Variants in ARHGAP23 observed in about 807,000 individuals in gnomAD.
ARHGAP23 encodes the protein rho GTPase-activating protein 23.
A neutral mutation model predicts 136.3 loss-of-function variants in ARHGAP23; 34 were observed. The observed-to-expected ratio is 0.25, with a 90% CI of 0.19 to 0.33. The LOEUF (loss-of-function observed/expected upper bound fraction) is 0.33. Ranked by LOEUF, ARHGAP23 falls within the 10% of genes least tolerant of loss-of-function variation. The pLI is 1.00. For synonymous variants in ARHGAP23, 832 were observed against 920.5 expected (o/e 0.90, Z 1.74); for missense variants, 1,808 against 2,139.0 (o/e 0.85, Z 3.05).
intron 22 of ARHGAP23, among the ~76,000 whole-genome samples, chr17:38,499,304 C>A (rs2040468715): frequency 6.6e-6 from 1 of 152,354 alleles, no homozygotes; most frequent in Admixed American, 6.5e-5. Context: ...TGGAGACCAG[C>A]GATGCCACGC....
chr17:38,463,246 C>G, intron 5 of ARHGAP23, 50 bp downstream of exon 5: 4 of 1,549,942 alleles, frequency 2.6e-6, no homozygotes, highest in South Asian at 1.2e-5. Context: ...CCCCTTTGCC[C>G]TGGGGATGCC....
chr17:38,459,729 A>C (rs569952220), intron 2 of ARHGAP23, among the ~76,000 whole-genome samples: 1 of 152,156 alleles, frequency 6.6e-6, no homozygotes, highest in Non-Finnish European at 1.5e-5. Flanking sequence ...AGGCAGGAGG[A>C]GGCTGTGTTC....
intron 23 of ARHGAP23, among the ~76,000 whole-genome samples, chr17:38,505,874 G>C (rs1427748633): frequency 6.6e-6 from 1 of 152,226 alleles, no homozygotes; most frequent in African/African-American, 2.4e-5. Context: ...GTTGCAGTGA[G>C]CCAAGATTGC....
In ARHGAP23 at chr17:38,510,403, C is replaced by A; in HGVS notation, c.3907C>A (p.Arg1303Ser). 8.1e-7 allele frequency: 1 copy of A among 1,239,506 alleles called. No homozygotes were observed. Among genetic ancestry groups the A allele is most frequent in the Non-Finnish European group, 1.0e-6 (1 of 992,912 alleles). The allele number at this position is 1,239,506 out of a possible 1,614,324, so 76.8% of individuals were successfully genotyped here. A position where few individuals can be genotyped will look rare whatever the true frequency, so the allele number is the denominator to read the frequency against. ...AGAGPGGRLT[R>S]RPSFSSHHLM... ...CGCGGGGCCTGGGGGGCGCCTGACA[C>A]GCCGGCCGTCCTTCAGCTCGCACCA... Residue 1303 changes from arginine to serine, a missense_variant, in exon 24 of 24, where the codon CGC (arginine) becomes AGC (serine). Physicochemically the swap from Arg to Ser is moderately radical, Grantham distance 110. Around this residue, in one of 7 missense-constraint regions of ARHGAP23, gnomAD observed 506 missense variants for 455.8 expected, o/e 1.11. Transcript: ENST00000622683. This position sits in a 1 kb window ranked among gnomAD's most constrained non-coding sequence, Gnocchi z 4.6.
intron 9 of ARHGAP23, 66 bp from the exon 10 acceptor site, chr17:38,469,781 G>A (rs1434994812): frequency 5.2e-6 from 8 of 1,536,418 alleles, no homozygotes; most frequent in South Asian, 1.2e-5. Flanking sequence ...GGGTTTGGTG[G>A]GTGACGAGAT....
intron 1 of ARHGAP23, among the ~76,000 whole-genome samples, chr17:38,437,945 A>G (rs2038836929): frequency 1.3e-5 from 2 of 152,262 alleles, no homozygotes; most frequent in South Asian, 2.1e-4. Flanking sequence ...AACATGGCTG[A>G]GCCCCTGCCT....
chr17:38,478,439 G>T lies in ARHGAP23; in HGVS notation c.2436+543G>T, dbSNP rs575293507. ...ATAATTTTTTTTTTTTTTTGAGGCA[G>T]AGTCTCGCTCTGTTGCCCAGGCTGG... is the stretch of plus-strand genomic sequence containing the variant. On this transcript the variant is annotated intron_variant, in intron 12 of 23. Transcript: ENST00000622683. Among the ~76,000 whole-genome samples the T allele has an allele frequency of 2.7e-5, 4 of 147,534 alleles. No homozygotes were observed. The East Asian group carries it at 8.1e-4, about 30-fold the overall frequency.
chr17:38,473,979 G>A (rs967583296), intron 11 of ARHGAP23, among the ~76,000 whole-genome samples: 1 of 152,100 alleles, frequency 6.6e-6, no homozygotes, highest in African/African-American at 2.4e-5. Flanking sequence ...GGAGTACAGT[G>A]GTACGATCTC....
At chr17:38,422,318 C>A (rs1401546860) in intron 1 of ARHGAP23, among the ~76,000 whole-genome samples, 1 of 152,112 alleles carries the variant, frequency 6.6e-6, no homozygotes, top group Non-Finnish European at 1.5e-5. Context: ...AGTGGGTGCT[C>A]AACGTATTTT....
chr17:38,471,114 G>T (rs1051062120), intron 10 of ARHGAP23, among the ~76,000 whole-genome samples: 2 of 151,790 alleles, frequency 1.3e-5, no homozygotes, highest in Non-Finnish European at 2.9e-5. Flanking sequence ...CACCACACCT[G>T]GCTAATTTTT....
intron 1 of ARHGAP23, among the ~76,000 whole-genome samples, chr17:38,442,110 G>A (rs1056174657): frequency 5.9e-5 from 9 of 152,196 alleles, no homozygotes; most frequent in Admixed American, 2.6e-4. Flanking sequence ...CGTGCCCCAC[G>A]GCACCTGGCT....
At chr17:38,459,757 CCACCTGGCAGCCTG>C (rs2039415486) in intron 2 of ARHGAP23, among the ~76,000 whole-genome samples, 1 of 152,228 alleles carries the variant, frequency 6.6e-6, no homozygotes, top group Non-Finnish European at 1.5e-5. Context: ...CTTCATGCTG[CCACCTGGCAGCCTG>C]CAGGGAGCTC....
At position 38,511,269 on chromosome 17, in the gene ARHGAP23, T is replaced by C. The variant is rs1346821272; in HGVS notation, c.*297T>C. ...CGCCCGATAGGTCCTTCTGAGCCTT[T>C]CTGTGGCTGCACTTGGGGACCCTTG... is the stretch of plus-strand genomic sequence containing the variant. On this transcript the variant is annotated 3_prime_UTR_variant, in exon 24 of 24. Coordinates refer to ENST00000622683, the MANE Select transcript of ARHGAP23 (RefSeq NM_001199417.2). 1.4e-5 allele frequency: 5 copies of C among 359,514 alleles called. No homozygotes were observed. Among genetic ancestry groups the C allele is most frequent in the East Asian group, 8.7e-5 (2 of 23,084 alleles). 22.3% of individuals were successfully genotyped at this position (359,514 alleles called of 1,614,324 possible). A position where few individuals can be genotyped will look rare whatever the true frequency, so the allele number is the denominator to read the frequency against.
intron 1 of ARHGAP23, among the ~76,000 whole-genome samples, chr17:38,431,335 G>A (rs1338171882): frequency 6.6e-6 from 1 of 152,176 alleles, no homozygotes; most frequent in Non-Finnish European, 1.5e-5. Context: ...CCTTCCAAAG[G>A]GGCATGAAGC....
chr17:38,471,640 A>T (rs1489267372), intron 10 of ARHGAP23, among the ~76,000 whole-genome samples: 1 of 152,236 alleles, frequency 6.6e-6, no homozygotes, highest in Non-Finnish European at 1.5e-5. Context: ...GTCTGCTGAC[A>T]GGTCGTAGCC....
Position 38,486,277 on chromosome 17 carries a change from G to T in ARHGAP23, c.2986+137G>T, listed in dbSNP as rs2040158202. 3.7e-6 allele frequency: 3 copies of T among 821,538 alleles called. No homozygotes were observed. In the Admixed American group the frequency reaches 7.4e-5, roughly 20 times the overall value. 50.9% of individuals were successfully genotyped at this position (821,538 alleles called of 1,614,324 possible). A position where few individuals can be genotyped will look rare whatever the true frequency, so the allele number is the denominator to read the frequency against. On this transcript the variant is annotated intron_variant, in intron 17 of 23. Coordinates refer to ENST00000622683, the MANE Select transcript of ARHGAP23 (RefSeq NM_001199417.2). ...CAGTCTTGCTCTGTTGCCCAGGCTG[G>T]AGTGCAGTGGCGCAATCACGGCTCA... is the stretch of plus-strand genomic sequence containing the variant.
upstream of ARHGAP23, among the ~76,000 whole-genome samples, chr17:38,424,281 A>G (rs1038837596): frequency 6.6e-6 from 1 of 151,906 alleles, no homozygotes; most frequent in African/African-American, 2.4e-5. Context: ...CTGCTCCTCA[A>G]CCCAACAGCC....
chr17:38,480,589 G>A lies in ARHGAP23; in HGVS notation c.2629+706G>A, dbSNP rs527299494. ...GCGGAGCTTGCATTGAGCCAAGATC[G>A]CGCCACTGCACTCTAGCCTGGGTGA... On this transcript the variant is annotated intron_variant, in intron 14 of 23. Transcript: ENST00000622683. 5.5e-3 allele frequency among the ~76,000 whole-genome samples: 818 copies of A among 150,082 alleles called. 5 individuals are homozygous for A. The highest frequency in any genetic ancestry group is 0.018 in the African/African-American group (760 of 41,162).
At chr17:38,443,435 G>C (rs920502993) in intron 1 of ARHGAP23, among the ~76,000 whole-genome samples, 1 of 152,212 alleles carries the variant, frequency 6.6e-6, no homozygotes, top group African/African-American at 2.4e-5. Flanking sequence ...AAACTGGCAG[G>C]GGGAGGCGGG....
Sources: gnomAD v4.1 joint callset for allele counts (sites outside exome capture counted in the v4.1 genomes callset) on GRCh38, gnomAD v4.1.1 for gene constraint, gnomAD v4.1.1 regional missense constraint, Gnocchi (gnomAD v3.1) non-coding constraint, MANE v1.5 for transcripts, NCBI Gene and HGNC (gene_info 2026-07-23, HGNC 2026-07-21) for gene names.